METTL15: variants seen among roughly 807,000 people sequenced by gnomAD.
The protein encoded by METTL15 is methyltransferase 15, mitochondrial 12S rRNA N4-cytidine.
Under a neutral mutation model 38.3 loss-of-function variants are expected in METTL15, and 34 were observed. The observed-to-expected ratio is 0.89, with a 90% CI of 0.68 to 1.18. The LOEUF (loss-of-function observed/expected upper bound fraction) is 1.18. Ranked by LOEUF, METTL15 falls within the 50% of genes most tolerant of loss-of-function variation. The pLI is 0.00. For missense variants in METTL15, 438 were observed against 498.4 expected (o/e 0.88, Z 1.15); for synonymous variants, 162 against 170.9 (o/e 0.95, Z 0.41).
At chr11:28,368,378 G>T (rs1384298777) in intron 5 of METTL15, among the ~76,000 whole-genome samples, 3 of 152,110 alleles carry the variant, frequency 2.0e-5, no homozygotes, top group Non-Finnish European at 2.9e-5. Flanking sequence ...AGACATTTAT[G>T]CAGCCAACAG....
At position 28,274,168 on chromosome 11, in the gene METTL15, T is replaced by G. The variant is rs563857000; in HGVS notation, c.408-16038T>G. Among the ~76,000 whole-genome samples the G allele has an allele frequency of 9.2e-5, 14 of 152,072 alleles. No homozygotes were observed. In the South Asian group the frequency reaches 2.9e-3, roughly 32 times the overall value. On this transcript the variant is annotated intron_variant, in intron 4 of 6. Transcript: ENST00000407364. ...ACACACCCAGCTAATTAATTTGTGT[T>G]TACAGAAGGAATTAATTTTTCTTAC... is the stretch of plus-strand genomic sequence containing the variant.
chr11:28,506,375 C>T (rs1851627541), intron 6 of METTL15, among the ~76,000 whole-genome samples: 1 of 152,178 alleles, frequency 6.6e-6, no homozygotes, highest in South Asian at 2.1e-4. Context: ...GCCTTATGAA[C>T]TTGGTTGCTG....
intron 4 of METTL15, among the ~76,000 whole-genome samples, chr11:28,234,102 A>G (rs1018696661): frequency 3.2e-4 from 48 of 152,056 alleles, no homozygotes; most frequent in African/African-American, 1.1e-3. Flanking sequence ...ATAATTTCCA[A>G]TTTCATGCAT....
At chr11:28,232,910 AT>A (rs529344349) in intron 4 of METTL15, among the ~76,000 whole-genome samples, 1 of 151,844 alleles carries the variant, frequency 6.6e-6, no homozygotes, top group African/African-American at 2.4e-5. Flanking sequence ...GGCTTGACCC[AT>A]TTTTTTTCTC....
At chr11:28,216,965 T>C (rs1024979731) in intron 4 of METTL15, among the ~76,000 whole-genome samples, 2 of 152,036 alleles carry the variant, frequency 1.3e-5, no homozygotes, top group Non-Finnish European at 2.9e-5. Flanking sequence ...CTATCATTGA[T>C]GGACATTTGG....
intron 6 of METTL15, among the ~76,000 whole-genome samples, chr11:28,462,076 T>C (rs1851220619): frequency 6.6e-6 from 1 of 152,088 alleles, no homozygotes; most frequent in African/African-American, 2.4e-5. Context: ...CTATCCATGA[T>C]ACCATGTTGT....
chr11:28,369,323 C>T (rs1850220338), intron 5 of METTL15, among the ~76,000 whole-genome samples: 1 of 151,758 alleles, frequency 6.6e-6, no homozygotes, highest in South Asian at 2.1e-4. Flanking sequence ...TCAAGTGGAC[C>T]AGTATTGCAT....
intron 6 of METTL15, among the ~76,000 whole-genome samples, chr11:28,458,420 C>T (rs922131927): frequency 6.6e-6 from 1 of 152,148 alleles, no homozygotes; most frequent in East Asian, 1.9e-4. Flanking sequence ...ATCCATAAAA[C>T]TTGCCCAATG....
intron 3 of METTL15, among the ~76,000 whole-genome samples, chr11:28,123,539 C>G (rs1852341475): frequency 6.6e-6 from 1 of 150,808 alleles, no homozygotes; most frequent in Non-Finnish European, 1.5e-5. Flanking sequence ...TGGTCAGTTG[C>G]TAGTAGTTGT....
intron 6 of METTL15, among the ~76,000 whole-genome samples, chr11:28,460,499 G>T (rs1851205554): frequency 6.6e-6 from 1 of 152,022 alleles, no homozygotes; most frequent in Non-Finnish European, 1.5e-5. Flanking sequence ...GAAAATATAT[G>T]TTATAATTAA....
At position 28,416,508 on chromosome 11, in the gene METTL15, G is replaced by A. The variant is rs1590367127; in HGVS notation, c.*359-7791G>A. 2.6e-5 allele frequency among the ~76,000 whole-genome samples: 4 copies of A among 152,320 alleles called. No homozygotes were observed. The South Asian group carries it at 8.3e-4, about 32-fold the overall frequency. ...CCTCACTCCATGTAAAGGTTCTGAA[G>A]TCAGTGAGAAACCTCTAACATGTTG... On this transcript the variant is annotated intron_variant and NMD_transcript_variant, in intron 5 of 7. Transcript: ENST00000532947.
At chr11:28,267,021 G>T (rs550502409) in intron 4 of METTL15, among the ~76,000 whole-genome samples, 1 of 151,896 alleles carries the variant, frequency 6.6e-6, no homozygotes, top group Non-Finnish European at 1.5e-5. Context: ...TTACCTGAGC[G>T]TGGTGGTGGA....
At chr11:28,529,111 A>G (rs1468206180), downstream of METTL15, among the ~76,000 whole-genome samples, 1 of 152,184 alleles carries the variant, frequency 6.6e-6, no homozygotes, top group Non-Finnish European at 1.5e-5. Flanking sequence ...TTACGTTGAG[A>G]AGAGAAAGAC....
At chr11:28,434,127 T>C (rs1564930606) in intron 6 of METTL15, among the ~76,000 whole-genome samples, 1 of 152,086 alleles carries the variant, frequency 6.6e-6, no homozygotes, top group Non-Finnish European at 1.5e-5. Flanking sequence ...TGGAAGCAGT[T>C]TTTTCCATCC....
At chr11:28,204,435 CTTTTTTTTTT>C (rs59729387) in intron 3 of METTL15, among the ~76,000 whole-genome samples, 11 of 79,340 alleles carry the variant, frequency 1.4e-4, no homozygotes, top group African/African-American at 4.0e-4. Flanking sequence ...CTGAGTTTTC[CTTTTTTTTTT>C]TTTTTTTTTT....
At chr11:28,358,453 C>T (rs76010450) in intron 4 of METTL15, among the ~76,000 whole-genome samples, 2,238 of 152,200 alleles carry the variant, frequency 0.015, 33 homozygotes, top group African/African-American at 0.04. Context: ...CAAAATGTAA[C>T]GATGAAAAAT....
intron 5 of METTL15, chr11:28,424,243 G>A (rs1850846325): frequency 1.3e-5 from 2 of 152,132 alleles, no homozygotes; most frequent in African/African-American, 4.8e-5. Context: ...AACTAAAAAT[G>A]TCTAGCATGT....
chr11:28,280,569 C>A (rs1856015121), intron 4 of METTL15, among the ~76,000 whole-genome samples: 1 of 151,372 alleles, frequency 6.6e-6, no homozygotes. Context: ...GGAAGCTTGG[C>A]CATTGTTTTT....
intron 4 of METTL15, among the ~76,000 whole-genome samples, chr11:28,255,067 T>C (rs531578015): frequency 3.9e-5 from 6 of 152,282 alleles, no homozygotes; most frequent in African/African-American, 1.4e-4. Context: ...ACTGTAGGCA[T>C]TTTAACAATA....
Sources: allele counts gnomAD v4.1 joint callset (sites outside exome capture counted in the v4.1 genomes callset), GRCh38; gene constraint gnomAD v4.1.1; transcripts MANE v1.5; gene names NCBI Gene and HGNC (gene_info 2026-07-23, HGNC 2026-07-21).